Variants in CABP1 observed in about 807,000 individuals in gnomAD.
CABP1 encodes calcium-binding protein 1.
Under a neutral mutation model 34.3 loss-of-function variants are expected in CABP1, and 17 were observed. The observed-to-expected ratio is 0.50, with a 90% CI of 0.34 to 0.74. The LOEUF is 0.74. Among genes scored for constraint, CABP1 ranks in the 30% least tolerant of loss-of-function variants. The probability of loss-of-function intolerance (pLI) is 0.01; values close to 1 mark genes in which losing one functional copy is unlikely to be tolerated. For synonymous variants in CABP1, 198 were observed against 229.2 expected, an observed-to-expected ratio of 0.86 and a Z score of 1.23; for missense variants, 373 against 511.1, an observed-to-expected ratio of 0.73 and a Z score of 2.61.
At chr12:120,659,545 G>A in intron 1 of CABP1, 1 of 251,282 alleles carries the variant, frequency 4.0e-6, no homozygotes. Flanking sequence ...GTGACAGAGT[G>A]CAATGGCACC....
At chr12:120,649,259 C>CT (rs1487662965) in intron 1 of CABP1, among the ~76,000 whole-genome samples, 1 of 150,212 alleles carries the variant, frequency 6.7e-6, no homozygotes, top group African/African-American at 2.5e-5. Flanking sequence ...TTCTGAGCAG[C>CT]CCCCCCACAC....
At chr12:120,679,717 C>T in the CABP1 span, among the ~76,000 whole-genome samples, 1 of 152,008 alleles carries the variant, frequency 6.6e-6, no homozygotes, top group Non-Finnish European at 1.5e-5. Context: ...ATCCCAGCTA[C>T]TAGGGACGCT....
rs1208938066 is a variant in CABP1 at position 120,641,806 on chromosome 12, C to T, written c.654+467C>T. ...CACAGAATTACTTGAGGGCGAGGGA[C>T]ACTGGCCACTGCCTATCATGTCCCT... is the stretch of plus-strand genomic sequence containing the variant. On this transcript the variant is annotated intron_variant, in intron 1 of 5. Coordinates refer to ENST00000316803, the MANE Select transcript of CABP1 (RefSeq NM_001033677.2). The surrounding 1 kb of genome is among the most constrained non-coding windows in gnomAD (Gnocchi z 6.7). Among the ~76,000 whole-genome samples the T allele has an allele frequency of 6.6e-6, 1 of 152,220 alleles. No homozygotes were observed. Among genetic ancestry groups the T allele is most frequent in the Non-Finnish European group, 1.5e-5 (1 of 68,034 alleles).
chr12:120,660,145 G>A lies in CABP1; in HGVS notation c.686-51G>A. 1.9e-6 allele frequency: 3 copies of A among 1,606,346 alleles called. No homozygotes were observed. Among genetic ancestry groups the A allele is most frequent in the Non-Finnish European group, 1.7e-6 (2 of 1,175,378 alleles). ...CCTTTGGGCTGCCTTTGCCCACAGA[G>A]GCTCTGCGGGTCCTACCCCTGACCA... On this transcript the variant is annotated intron_variant, in intron 2 of 5. Coordinates refer to ENST00000316803, the MANE Select transcript of CABP1 (RefSeq NM_001033677.2). The surrounding 1 kb of genome is among the most constrained non-coding windows in gnomAD (Gnocchi z 5.0).
chr12:120,641,449 A>G lies in CABP1; in HGVS notation c.654+110A>G. 8.7e-7 allele frequency: 1 copy of G among 1,152,034 alleles called. No individual in the cohort carries two copies. Among genetic ancestry groups the G allele is most frequent in the Non-Finnish European group, 1.1e-6 (1 of 915,346 alleles). 71.4% of individuals were successfully genotyped at this position (1,152,034 alleles called of 1,614,324 possible). On this transcript the variant is annotated intron_variant, in intron 1 of 5. Coordinates refer to ENST00000316803, the MANE Select transcript of CABP1 (RefSeq NM_001033677.2). The surrounding 1 kb of genome is among the most constrained non-coding windows in gnomAD (Gnocchi z 6.7). ...CGCGGCCCGTGGTCCCCCACGGATC[A>G]CGCCTCGGCTCACCTCGTCCTCCCC...
chr12:120,679,073 CAAAAAA>C, the CABP1 span, among the ~76,000 whole-genome samples: 2 of 87,088 alleles, frequency 2.3e-5, no homozygotes, highest in Non-Finnish European at 2.3e-5. Flanking sequence ...ACACCATCTC[CAAAAAA>C]AAAAAAAAAA....
At chr12:120,676,451 G>C in the CABP1 span, among the ~76,000 whole-genome samples, 1 of 151,550 alleles carries the variant, frequency 6.6e-6, no homozygotes, top group African/African-American at 2.4e-5. Flanking sequence ...TTTTGAGACA[G>C]AGTTTTGCTC....
chr12:120,646,041 A>T (rs1879523664), intron 1 of CABP1, among the ~76,000 whole-genome samples: 3 of 152,166 alleles, frequency 2.0e-5, no homozygotes. Context: ...ACAGAGTGAG[A>T]CCCTGTCTCT....
At position 120,660,586 on chromosome 12, in the gene CABP1, A is replaced by G; in HGVS notation, c.830-145A>G. 5.4e-6 allele frequency: 4 copies of G among 739,978 alleles called. No homozygotes were observed. The highest frequency in any genetic ancestry group is 9.5e-6 in the Non-Finnish European group (4 of 420,722). 45.8% of individuals were successfully genotyped at this position (739,978 alleles called of 1,614,324 possible). ...AGCCCAATAACTGGCTCACAGGAAG[A>G]ACTGAACAGAGGGCTCTTGTTATTA... On this transcript the variant is annotated intron_variant, in intron 3 of 5. Coordinates refer to ENST00000316803, the MANE Select transcript of CABP1 (RefSeq NM_001033677.2). The surrounding 1 kb of genome is among the most constrained non-coding windows in gnomAD (Gnocchi z 5.0).
At chr12:120,667,993 T>C (rs1881105238), downstream of CABP1, among the ~76,000 whole-genome samples, 1 of 152,202 alleles carries the variant, frequency 6.6e-6, no homozygotes, top group African/African-American at 2.4e-5. Context: ...ACTTTTATAC[T>C]GGTTGGAGAG....
chr12:120,660,688 A>G lies in CABP1; in HGVS notation c.830-43A>G. The G allele has an allele frequency of 7.6e-7, 1 of 1,317,380 alleles. No individual in the cohort carries two copies. Among genetic ancestry groups the G allele is most frequent in the Non-Finnish European group, 1.1e-6 (1 of 909,732 alleles). The allele number at this position is 1,317,380 out of a possible 1,614,324, so 81.6% of individuals were successfully genotyped here. On this transcript the variant is annotated intron_variant, in intron 3 of 5. Coordinates refer to ENST00000316803, the MANE Select transcript of CABP1 (RefSeq NM_001033677.2). The surrounding 1 kb of genome is among the most constrained non-coding windows in gnomAD (Gnocchi z 5.0). ...TCAGTTGTCTAGTTGGAGACAGGGA[A>G]TGGGTATGTCGGGGATGACCTAGCC...
chr12:120,671,002 A>C (rs2137386188), downstream of CABP1, among the ~76,000 whole-genome samples: 1 of 152,272 alleles, frequency 6.6e-6, no homozygotes, highest in South Asian at 2.1e-4. Flanking sequence ...AGTAGTACCC[A>C]CTAGGTTAGC....
chr12:120,671,532 C>T (rs1321419328), downstream of CABP1, among the ~76,000 whole-genome samples: 1 of 152,174 alleles, frequency 6.6e-6, no homozygotes, highest in Non-Finnish European at 1.5e-5. Flanking sequence ...AGGTGACGCT[C>T]AACAGGGAGG....
At chr12:120,669,612 G>C (rs183374716), downstream of CABP1, among the ~76,000 whole-genome samples, 75 of 152,322 alleles carry the variant, frequency 4.9e-4, 1 homozygote, top group African/African-American at 1.6e-3. Context: ...AAATTAGCCA[G>C]GCGTAGTGGG....
At chr12:120,657,899 A>T (rs373516291) in intron 1 of CABP1, among the ~76,000 whole-genome samples, 1 of 152,158 alleles carries the variant, frequency 6.6e-6, no homozygotes, top group African/African-American at 2.4e-5. Flanking sequence ...ATTGGGTCTC[A>T]GTAGCTGGTC....
chr12:120,661,517 A>G lies in CABP1; in HGVS notation c.1087+299A>G, dbSNP rs1880633605. ...CTGTCCACCATCCATCCATCCATCC[A>G]TTTATCTACCCATCTATCCATCCAT... On this transcript the variant is annotated intron_variant, in intron 5 of 5. Transcript: ENST00000316803. This position sits in a 1 kb window ranked among gnomAD's most constrained non-coding sequence, Gnocchi z 5.1. 1 of 321,076 alleles carries G rather than the reference A, an allele frequency of 3.1e-6. No individual in the cohort carries two copies. The highest frequency in any genetic ancestry group is 6.5e-5 in the East Asian group (1 of 15,436). 19.9% of individuals were successfully genotyped at this position (321,076 alleles called of 1,614,324 possible).
downstream of CABP1, among the ~76,000 whole-genome samples, chr12:120,669,402 T>C (rs368411079): frequency 2.0e-5 from 3 of 152,206 alleles, no homozygotes; most frequent in African/African-American, 4.8e-5. Context: ...AGAAACACAG[T>C]GGCCTTGGAG....
intron 1 of CABP1, among the ~76,000 whole-genome samples, chr12:120,651,918 C>A (rs2137339182): frequency 2.0e-5 from 3 of 152,304 alleles, no homozygotes; most frequent in Non-Finnish European, 4.4e-5. Context: ...TCTGAATTAG[C>A]CCTTGTAATA....
downstream of CABP1, among the ~76,000 whole-genome samples, chr12:120,669,635 T>C (rs568324913): frequency 1.2e-4 from 18 of 152,206 alleles, no homozygotes; most frequent in African/African-American, 4.1e-4. Flanking sequence ...ATGACTGTAA[T>C]CTCAGCTATT....
Sources: gnomAD v4.1 joint callset for allele counts (sites outside exome capture counted in the v4.1 genomes callset) on GRCh38, gnomAD v4.1.1 for gene constraint, Gnocchi (gnomAD v3.1) non-coding constraint, MANE v1.5 for transcripts, NCBI Gene and HGNC (gene_info 2026-07-23, HGNC 2026-07-21) for gene names.